PAMR1: variants seen among roughly 807,000 people sequenced by gnomAD.
PAMR1 encodes the protein inactive serine protease PAMR1.
Under a neutral mutation model 81.8 loss-of-function variants are expected in PAMR1, and 88 were observed. That is an observed-to-expected ratio of 1.08 (90% CI 0.91 to 1.28). PAMR1 has a LOEUF of 1.28. Ranked by LOEUF, PAMR1 falls within the 50% of genes most tolerant of loss-of-function variation. The pLI is 0.00. For synonymous variants in PAMR1, 336 were observed against 345.3 expected, an observed-to-expected ratio of 0.97 and a Z score of 0.30; for missense variants, 935 against 919.7, an observed-to-expected ratio of 1.02 and a Z score of -0.21.
intron 7 of PAMR1, among the ~76,000 whole-genome samples, chr11:35,440,812 T>C (rs1158339584): frequency 6.6e-6 from 1 of 152,208 alleles, no homozygotes; most frequent in Non-Finnish European, 1.5e-5. Context: ...CCTACACCTC[T>C]TTTCTTTTCT....
chr11:35,502,894 G>A (rs938157238), intron 1 of PAMR1, among the ~76,000 whole-genome samples: 7 of 151,992 alleles, frequency 4.6e-5, no homozygotes, highest in African/African-American at 1.7e-4. Flanking sequence ...TGCTTTTGAC[G>A]TTTTCCCCAA....
intron 1 of PAMR1, among the ~76,000 whole-genome samples, chr11:35,512,800 C>T (rs1033285655): frequency 1.3e-5 from 2 of 152,100 alleles, no homozygotes; most frequent in Non-Finnish European, 2.9e-5. Flanking sequence ...TGACACCAGC[C>T]TGGACAGCAC....
upstream of PAMR1, among the ~76,000 whole-genome samples, chr11:35,527,512 T>A (rs944177862): frequency 5.3e-5 from 8 of 151,646 alleles, no homozygotes; most frequent in African/African-American, 1.9e-4. Context: ...GCACCAAGAG[T>A]AGCCTTAAAC....
intron 1 of PAMR1, among the ~76,000 whole-genome samples, chr11:35,514,687 C>T (rs1314502266): frequency 6.6e-6 from 1 of 152,090 alleles, no homozygotes; most frequent in African/African-American, 2.4e-5. Flanking sequence ...TTGAATAATG[C>T]ATCTAAAAAT....
intron 6 of PAMR1, among the ~76,000 whole-genome samples, chr11:35,452,468 T>G (rs1856438364): frequency 6.6e-6 from 1 of 152,076 alleles, no homozygotes; most frequent in Non-Finnish European, 1.5e-5. Flanking sequence ...TAGCTAAAAT[T>G]TTTCCCATAC....
intron 3 of PAMR1, among the ~76,000 whole-genome samples, chr11:35,480,199 C>A (rs970515829): frequency 2.0e-5 from 3 of 152,224 alleles, no homozygotes; most frequent in African/African-American, 7.2e-5. Context: ...AAACTTATTT[C>A]TGTCCAAACA....
intron 1 of PAMR1, among the ~76,000 whole-genome samples, chr11:35,519,160 AATAGCTGAC>A (rs1851224603): frequency 6.6e-6 from 1 of 152,202 alleles, no homozygotes; most frequent in East Asian, 1.9e-4. Context: ...CACTTCTTTA[AATAGCTGAC>A]ATAAGATCCA....
chr11:35,506,259 T>C (rs897117543), intron 1 of PAMR1, among the ~76,000 whole-genome samples: 4 of 152,146 alleles, frequency 2.6e-5, no homozygotes, highest in Non-Finnish European at 5.9e-5. Context: ...GTACTATTAT[T>C]GCTTTTGACA....
Position 35,434,588 on chromosome 11 carries a change from G to A in PAMR1, c.1550C>T (p.Thr517Ile). The change falls in exon 10 of 11, where the codon ACA (threonine) becomes ATA (isoleucine). Residue 517 changes from threonine to isoleucine, a missense_variant. Coordinates refer to ENST00000619888, the MANE Select transcript of PAMR1 (RefSeq NM_001001991.3). ...TDLGKVTMIK[T>I]ADLKVVLGKF... ...CCCCAAAACAACTTTCAGGTCTGCT[G>A]TCTTGATCATGGTGACCTTCCCCAG... 1.2e-6 allele frequency: 2 copies of A among 1,614,082 alleles called. No homozygotes were observed. The highest frequency in any genetic ancestry group is 1.7e-6 in the Non-Finnish European group (2 of 1,180,022).
At chr11:35,510,413 C>G (rs1332409616) in intron 1 of PAMR1, among the ~76,000 whole-genome samples, 1 of 152,168 alleles carries the variant, frequency 6.6e-6, no homozygotes, top group Non-Finnish European at 1.5e-5. Context: ...AGTGGTTTTA[C>G]TGCCCTAAGA....
Position 35,525,246 on chromosome 11 carries a change from G to A in PAMR1, c.73+267C>T, listed in dbSNP as rs533517189. Among the ~76,000 whole-genome samples, 225 of 152,240 alleles carry A rather than the reference G, an allele frequency of 1.5e-3. 1 individual carries two copies. The highest frequency in any genetic ancestry group is 5.3e-3 in the African/African-American group (219 of 41,536). On this transcript the variant is annotated intron_variant, in intron 1 of 10. Coordinates refer to ENST00000619888, the MANE Select transcript of PAMR1 (RefSeq NM_001001991.3). The stretch of plus-strand genomic sequence containing the variant: ...AAAAAGAGCAAATAAAATAGGAGCT[G>A]GTCCGCTTTCCTGAGACAGTACAGC...
chr11:35,494,208 A>G lies in PAMR1; in HGVS notation c.138T>C (p.Cys46=), dbSNP rs768358517. ...AEWNIMCREC[C]EYDQIECVCP... The stretch of plus-strand genomic sequence containing the variant: ...AGACGCACTCAATCTGATCATATTC[A>G]CAGCACTCCCGACACATGATATTCC... The change falls in exon 2 of 11, where the codon TGT becomes TGC. Residue 46 remains cysteine (C), a synonymous_variant. Transcript: ENST00000619888. 6.2e-6 allele frequency: 10 copies of G among 1,614,056 alleles called. No homozygotes were observed. The South Asian group carries it at 1.1e-4, about 18-fold the overall frequency.
upstream of PAMR1, among the ~76,000 whole-genome samples, chr11:35,528,615 T>C (rs978721185): frequency 4.6e-5 from 7 of 152,190 alleles, no homozygotes; most frequent in East Asian, 9.6e-4. Context: ...TGTTTTTTCT[T>C]TTTTTTGTCA....
chr11:35,442,368 T>C (rs541421040), intron 6 of PAMR1, among the ~76,000 whole-genome samples: 1 of 152,296 alleles, frequency 6.6e-6, no homozygotes, highest in African/African-American at 2.4e-5. Context: ...GCTATTAAAG[T>C]AGAAATGGCA....
chr11:35,439,598 A>T (rs1856120740), intron 8 of PAMR1, 29 bp downstream of exon 8: 1 of 1,570,944 alleles, frequency 6.4e-7, no homozygotes, highest in Non-Finnish European at 8.8e-7. Flanking sequence ...ATTAGCCTTC[A>T]GGGCAGAGTG....
At chr11:35,451,110 G>A (rs1477411988) in intron 6 of PAMR1, among the ~76,000 whole-genome samples, 1 of 152,194 alleles carries the variant, frequency 6.6e-6, no homozygotes, top group East Asian at 1.9e-4. Flanking sequence ...GCTTTGACAG[G>A]TAAGCCTGAC....
At chr11:35,526,575 T>G (rs1338617244), upstream of PAMR1, among the ~76,000 whole-genome samples, 2 of 152,234 alleles carry the variant, frequency 1.3e-5, no homozygotes, top group South Asian at 4.1e-4. Flanking sequence ...GCCTCTGTAT[T>G]TTACAATTAG....
In PAMR1 at chr11:35,490,358, T is replaced by C. The variant is rs569946182; in HGVS notation, c.379+1687A>G. Among the ~76,000 whole-genome samples, 7 of 152,284 alleles carry C rather than the reference T, an allele frequency of 4.6e-5. No individual in the cohort carries two copies. The East Asian group carries it at 1.3e-3, about 29-fold the overall frequency. On this transcript the variant is annotated intron_variant, in intron 3 of 10. Coordinates refer to ENST00000619888, the MANE Select transcript of PAMR1 (RefSeq NM_001001991.3). The stretch of plus-strand genomic sequence containing the variant: ...ATCAAATCCCCCTTTCCCTCTCATG[T>C]GCACAGAGAAAGAGCACTCTTCCAT...
intron 3 of PAMR1, among the ~76,000 whole-genome samples, chr11:35,479,629 A>C (rs1030274129): frequency 2.0e-5 from 3 of 152,158 alleles, no homozygotes; most frequent in African/African-American, 2.4e-5. Flanking sequence ...CTAGAACCCT[A>C]AACCCAACAG....
Sources: gnomAD v4.1 joint callset for allele counts (sites outside exome capture counted in the v4.1 genomes callset) on GRCh38, gnomAD v4.1.1 for gene constraint, MANE v1.5 for transcripts, NCBI Gene and HGNC (gene_info 2026-07-23, HGNC 2026-07-21) for gene names.